Variants in HSPH1 observed in about 807,000 individuals in gnomAD.
The protein encoded by HSPH1 is heat shock protein family H (Hsp110) member 1, also known as heat shock protein 105 kDa.
Under a neutral mutation model 100.0 loss-of-function variants are expected in HSPH1, and 40 were observed. That is an observed-to-expected ratio of 0.40 (90% CI 0.31 to 0.52). The LOEUF (loss-of-function observed/expected upper bound fraction) is 0.52. Among genes scored for constraint, HSPH1 ranks in the 20% least tolerant of loss-of-function variants. The pLI is 0.54. For missense variants in HSPH1, 876 were observed against 1,015.1 expected, an observed-to-expected ratio of 0.86 and a Z score of 1.86; for synonymous variants, 403 against 344.0, an observed-to-expected ratio of 1.17 and a Z score of -1.90.
Position 31,150,027 on chromosome 13 carries a change from G to A in HSPH1, c.1064C>T (p.Ala355Val). 6.2e-7 allele frequency: 1 copy of A among 1,613,758 alleles called. No individual in the cohort carries two copies. The change falls in exon 8 of 18, where the codon GCC becomes GTC. Residue 355 changes from alanine to valine, a missense_variant. Physicochemically the swap from Ala to Val is moderately conservative, Grantham distance 64 (BLOSUM62 0). Coordinates refer to ENST00000320027, the MANE Select transcript of HSPH1 (RefSeq NM_006644.4). ...GCTAATATCTTTTCCAAAGAATTTGGCAATTCTTTCCTTCACAGCTGGAAT... is the reference window on the plus strand; with the variant it reads ...GCTAATATCTTTTCCAAAGAATTTGACAATTCTTTCCTTCACAGCTGGAAT... ...TRIPAVKERIAKFFGKDISTT... is the reference protein window; with the variant it reads ...TRIPAVKERIVKFFGKDISTT...
At position 31,151,188 on chromosome 13, in the gene HSPH1, G is replaced by A; in HGVS notation, c.667C>T (p.Leu223=). 1 of 1,601,500 alleles carries A rather than the reference G, an allele frequency of 6.2e-7. No individual in the cohort carries two copies. The highest frequency in any genetic ancestry group is 8.5e-7 in the Non-Finnish European group (1 of 1,173,606). The part of the protein sequence containing the change: ...CAFNKGKLKV[L]GTAFDPFLGG... ...AAGAAAGGATCAAAAGCTGTTCCCA[G>A]TACCTAATTTGGTTGAAACAACAAA... is the stretch of plus-strand genomic sequence containing the variant. Residue 223 remains leucine (L), a synonymous_variant, in exon 7 of 18, where the codon CTG becomes TTG. Coordinates refer to ENST00000320027, the MANE Select transcript of HSPH1 (RefSeq NM_006644.4).
Position 31,143,799 on chromosome 13 carries a change from G to A in HSPH1, c.1709C>T (p.Ala570Val). ...LTSEENKIPD[A>V]DKANEKKVDQ... ...ACTAGAAGAGTCACTCACTTTGTCAGCATCTGGGATTTTGTTTTCTTCTGA... is the reference window on the plus strand; with the variant it reads ...ACTAGAAGAGTCACTCACTTTGTCAACATCTGGGATTTTGTTTTCTTCTGA... Residue 570 changes from alanine to valine, a missense_variant, in exon 12 of 18, where the codon GCT (alanine) becomes GTT (valine). By Grantham distance (64) the Ala-to-Val change is moderately conservative. Transcript: ENST00000320027. The A allele has an allele frequency of 1.2e-6, 2 of 1,607,158 alleles. No homozygotes were observed. Among genetic ancestry groups the A allele is most frequent in the Non-Finnish European group, 1.7e-6 (2 of 1,176,556 alleles).
chr13:31,144,751 T>C (rs1374188416), intron 11 of HSPH1, among the ~76,000 whole-genome samples: 1 of 152,128 alleles, frequency 6.6e-6, no homozygotes. Flanking sequence ...ATTCCTGATA[T>C]CCAAAAGGTA....
At chr13:31,138,606 T>G (rs1194470684) in intron 16 of HSPH1, 38 bp from the exon 17 acceptor site, 5 of 1,572,652 alleles carry the variant, frequency 3.2e-6, no homozygotes, top group Non-Finnish European at 3.4e-6. Flanking sequence ...TAGAATTTAT[T>G]GAACAATAGT....
intron 5 of HSPH1, 35 bp downstream of exon 5, chr13:31,152,817 G>C: frequency 7.6e-7 from 1 of 1,309,944 alleles, no homozygotes; most frequent in South Asian, 1.2e-5. Context: ...AGTTCTGATA[G>C]TATATTCACT....
chr13:31,161,535 C>T lies in HSPH1; in HGVS notation c.48G>A (p.Ala16=), dbSNP rs1453575897. The T allele has an allele frequency of 6.2e-7, 1 of 1,613,962 alleles. No homozygotes were observed. The highest frequency in any genetic ancestry group is 2.2e-5 in the East Asian group (1 of 44,854). ...LDVGSQSCYI[A]VARAGGIETI... ...TCTCGATGCCCCCGGCCCGGGCTACCGCGATGTAGCAGCTCTGCGAGCCCA... is the reference window on the plus strand; with the variant it reads ...TCTCGATGCCCCCGGCCCGGGCTACTGCGATGTAGCAGCTCTGCGAGCCCA... Residue 16 remains alanine (A), a synonymous_variant, in exon 1 of 18, where the codon GCG becomes GCA. Coordinates refer to ENST00000320027, the MANE Select transcript of HSPH1 (RefSeq NM_006644.4).
In HSPH1 at chr13:31,161,734, C is replaced by T. The variant is rs113704935; in HGVS notation, c.-152G>A. 2.8e-5 allele frequency: 43 copies of T among 1,532,674 alleles called. 1 individual carries two copies. In the African/African-American group the frequency reaches 4.1e-4, roughly 15 times the overall value. The allele number at this position is 1,532,674 out of a possible 1,614,324, so 94.9% of individuals were successfully genotyped here. On this transcript the variant is annotated 5_prime_UTR_variant, in exon 1 of 18. Transcript: ENST00000320027. The stretch of plus-strand genomic sequence containing the variant: ...TCTGACACTCAGAAGGACACACAGA[C>T]AGCCGCGGCCTGTCAGGAGCCTCCT...
Position 31,151,057 on chromosome 13 carries a change from C to G in HSPH1, c.798G>C (p.Leu266=), listed in dbSNP as rs1053620379. ...TTTTCAGTTTTTCACATTCCTGATACAGACGTAGGAGTGCTCGTATTTTGG... is the reference window on the plus strand; with the variant it reads ...TTTTCAGTTTTTCACATTCCTGATAGAGACGTAGGAGTGCTCGTATTTTGG... The part of the protein sequence containing the change: ...AKSKIRALLR[L]YQECEKLKKL... Residue 266 remains leucine, a synonymous_variant, in exon 7 of 18, where the codon CTG becomes CTC. Transcript: ENST00000320027. The G allele has an allele frequency of 2.5e-6, 4 of 1,613,718 alleles. No individual in the cohort carries two copies. In the Admixed American group the frequency reaches 6.7e-5, roughly 27 times the overall value.
intron 2 of HSPH1, among the ~76,000 whole-genome samples, chr13:31,156,978 T>C (rs1284738123): frequency 6.6e-6 from 1 of 152,216 alleles, no homozygotes; most frequent in African/African-American, 2.4e-5. Flanking sequence ...AAGAAATAAC[T>C]GTAAGATTGA....
chr13:31,145,790 T>A (rs1566001551), intron 10 of HSPH1, 22 bp from the exon 11 acceptor site: 3 of 1,600,864 alleles, frequency 1.9e-6, no homozygotes. Context: ...ACAACAAAAA[T>A]CACAAAATCA....
chr13:31,139,214 A>C, intron 14 of HSPH1, 107 bp from the exon 15 acceptor site: 1 of 721,454 alleles, frequency 1.4e-6, no homozygotes, highest in Non-Finnish European at 2.4e-6. Flanking sequence ...CTAGGAAGGC[A>C]CTCTGATTTG....
chr13:31,141,001 TA>T, intron 13 of HSPH1, 120 bp downstream of exon 13: 1 of 624,784 alleles, frequency 1.6e-6, no homozygotes, highest in Non-Finnish European at 2.5e-6. Context: ...ATCCTATCCC[TA>T]AAACTATATA....
Position 31,137,471 on chromosome 13 carries a change from T to C in HSPH1, c.2424A>G (p.Glu808=), listed in dbSNP as rs746664712. The change falls in exon 18 of 18, where the codon GAA becomes GAG. Residue 808 remains glutamate, a synonymous_variant. Coordinates refer to ENST00000320027, the MANE Select transcript of HSPH1 (RefSeq NM_006644.4). ...PVVTQPKPKI[E]SPKLERTPNG... ...TTGGAGTTCTTTCCAGTTTGGGTGATTCAATTTTTGGTTTCGGTTGTGTTA... is the reference window on the plus strand; with the variant it reads ...TTGGAGTTCTTTCCAGTTTGGGTGACTCAATTTTTGGTTTCGGTTGTGTTA... 2 of 1,613,740 alleles carry C rather than the reference T, an allele frequency of 1.2e-6. No individual in the cohort carries two copies.
chr13:31,148,749 A>T (rs892734325), intron 8 of HSPH1, among the ~76,000 whole-genome samples: 1 of 152,076 alleles, frequency 6.6e-6, no homozygotes, highest in Non-Finnish European at 1.5e-5. Flanking sequence ...ATTAGGAAAA[A>T]AGCCTGGTCT....
At chr13:31,145,488 T>C in intron 11 of HSPH1, 75 bp downstream of exon 11, 1 of 1,103,214 alleles carries the variant, frequency 9.1e-7, no homozygotes, top group South Asian at 1.4e-5. Flanking sequence ...ATTTTAACCC[T>C]TCCCTACCCA....
chr13:31,146,983 T>C (rs1956285499), intron 10 of HSPH1, among the ~76,000 whole-genome samples: 1 of 152,218 alleles, frequency 6.6e-6, no homozygotes, highest in South Asian at 2.1e-4. Context: ...TACACCTTGA[T>C]TAATTGTCAA....
chr13:31,149,962 C>G lies in HSPH1; in HGVS notation c.1129G>C (p.Ala377Pro). ...CAGAGTTGAGAAAGTACCTGTAATG[C>G]ACATCCTCTGGCTACTGCTTCATCT... ...NADEAVARGCALQCAILSPAF... is the reference protein window; with the variant it reads ...NADEAVARGCPLQCAILSPAF... Residue 377 changes from alanine to proline, a missense_variant, in exon 8 of 18, where the codon GCA (alanine) becomes CCA (proline). By Grantham distance (27) the Ala-to-Pro change is conservative. Transcript: ENST00000320027. The G allele has an allele frequency of 6.2e-7, 1 of 1,612,936 alleles. No individual in the cohort carries two copies. The highest frequency in any genetic ancestry group is 1.3e-5 in the African/African-American group (1 of 74,998).
At chr13:31,140,085 G>C in intron 14 of HSPH1, 99 bp downstream of exon 14, 2 of 1,182,262 alleles carry the variant, frequency 1.7e-6, no homozygotes, top group Non-Finnish European at 1.2e-6. Context: ...AAAAGTTTAA[G>C]TTACATAATT....
intron 11 of HSPH1, among the ~76,000 whole-genome samples, chr13:31,144,845 C>T (rs746126146): frequency 1.6e-3 from 243 of 152,226 alleles, no homozygotes; most frequent in Middle Eastern, 6.8e-3. Context: ...AATAAAACTA[C>T]GGTTCAGAAT....
Sources: allele counts gnomAD v4.1 joint callset (sites outside exome capture counted in the v4.1 genomes callset), GRCh38; gene constraint gnomAD v4.1.1; transcripts MANE v1.5; gene names NCBI Gene and HGNC (gene_info 2026-07-23, HGNC 2026-07-21).